The following CYP19A1 variants were observed in gnomAD, a reference collection of about 807,000 sequenced individuals.
CYP19A1 encodes aromatase.
CYP19A1 carries 32 observed loss-of-function variants against 44.4 expected under a neutral mutation model. That is an observed-to-expected ratio of 0.72 (90% CI 0.54 to 0.97). CYP19A1 has a LOEUF of 0.97. Among genes scored for constraint, CYP19A1 ranks in the 50% least tolerant of loss-of-function variants. CYP19A1 has a pLI of 0.00. For synonymous variants in CYP19A1, 212 were observed against 215.6 expected (o/e 0.98, Z 0.14); for missense variants, 598 against 637.8 (o/e 0.94, Z 0.67).
chr15:51,307,787 C>G (rs1005149038), intron 1 of CYP19A1, among the ~76,000 whole-genome samples: 6 of 152,184 alleles, frequency 3.9e-5, no homozygotes, highest in African/African-American at 1.4e-4. Context: ...TTCATTTTCC[C>G]CCACCCAACC....
At chr15:51,244,489 C>T (rs897534418) in intron 1 of CYP19A1, among the ~76,000 whole-genome samples, 1 of 151,598 alleles carries the variant, frequency 6.6e-6, no homozygotes, top group Non-Finnish European at 1.5e-5. Flanking sequence ...ATATATAAGT[C>T]GAAACTAAAA....
rs575949699 is a variant in CYP19A1 at position 51,302,304 on chromosome 15, C to T, written c.-39+36191G>A. ...CATCTGCCATTCTCCTGTGAAGGAGCATTATTCCCCTGAGGGAATTCGCTG... is the reference window on the plus strand; with the variant it reads ...CATCTGCCATTCTCCTGTGAAGGAGTATTATTCCCCTGAGGGAATTCGCTG... On this transcript the variant is annotated intron_variant, in intron 1 of 9. Transcript: ENST00000396402. Among the ~76,000 whole-genome samples, 31 of 152,332 alleles carry T rather than the reference C, an allele frequency of 2.0e-4. 1 individual carries two copies. The highest frequency in any genetic ancestry group is 7.5e-4 in the African/African-American group (31 of 41,574).
At chr15:51,268,523 C>CA (rs1555394974) in intron 1 of CYP19A1, among the ~76,000 whole-genome samples, 2 of 40,492 alleles carry the variant, frequency 4.9e-5, no homozygotes, top group Admixed American at 1.8e-4. Context: ...TTTCCTTCCC[C>CA]CCCCCCCTTT....
At chr15:51,244,655 T>C (rs1265829828) in intron 1 of CYP19A1, among the ~76,000 whole-genome samples, 1 of 152,230 alleles carries the variant, frequency 6.6e-6, no homozygotes, top group Non-Finnish European at 1.5e-5. Context: ...TTTCGATTTA[T>C]ATTGATGAAA....
rs372024146 is a variant in CYP19A1, at chr15:51,236,842, A to G, written c.296+17T>C. The G allele has an allele frequency of 5.6e-6, 9 of 1,613,924 alleles. No individual in the cohort carries two copies. The African/African-American group carries it at 9.3e-5, about 17-fold the overall frequency. On this transcript the variant is annotated intron_variant, in intron 3 of 9. Transcript: ENST00000396402. ...CCTCGATTTAAAAAGTATGTCTTCG[A>G]TTATGAACAGACTCACTTGCTGATA... is the stretch of plus-strand genomic sequence containing the variant.
chr15:51,238,467 T>C (rs1392906927), intron 2 of CYP19A1, among the ~76,000 whole-genome samples: 1 of 152,268 alleles, frequency 6.6e-6, no homozygotes, highest in East Asian at 1.9e-4. Context: ...CATGTGTATC[T>C]AATATAAAGG....
intron 1 of CYP19A1, among the ~76,000 whole-genome samples, chr15:51,275,815 T>C (rs1474911533): frequency 1.3e-5 from 2 of 152,196 alleles, no homozygotes; most frequent in East Asian, 3.9e-4. Context: ...CCTGATTGTT[T>C]CCGTTCAGGT....
intron 1 of CYP19A1, chr15:51,279,841 G>A (rs114957281): frequency 2.6e-5 from 4 of 152,328 alleles, no homozygotes; most frequent in African/African-American, 9.6e-5. Context: ...AGAGAAAGAG[G>A]CTGTGAACTC....
In CYP19A1 at chr15:51,208,959, C is replaced by G. The variant is rs1412715134; in HGVS notation, c.*1849G>C. 1 of 152,146 alleles carries G rather than the reference C, an allele frequency of 6.6e-6. No individual in the cohort carries two copies. Among genetic ancestry groups the G allele is most frequent in the Non-Finnish European group, 1.5e-5 (1 of 68,028 alleles). 9.4% of individuals were successfully genotyped at this position (152,146 alleles called of 1,614,324 possible). ...ACATGGATCCAAAGTTGGGCTTCTTCCACCATGCAGCTCCAGCCAGAGGCA... is the reference window on the plus strand; with the variant it reads ...ACATGGATCCAAAGTTGGGCTTCTTGCACCATGCAGCTCCAGCCAGAGGCA... On this transcript the variant is annotated 3_prime_UTR_variant, in exon 10 of 10. Transcript: ENST00000396402.
intron 1 of CYP19A1, among the ~76,000 whole-genome samples, chr15:51,245,226 TAACA>T (rs2033996100): frequency 6.6e-6 from 1 of 152,358 alleles, no homozygotes; most frequent in Middle Eastern, 3.4e-3. Context: ...CTAAAATGTT[TAACA>T]GAGTTAAGAA....
rs2034256025 is a variant in CYP19A1, at chr15:51,250,289, C to T, written c.-38-7339G>A. Among the ~76,000 whole-genome samples the T allele has an allele frequency of 2.0e-5, 3 of 152,228 alleles. No individual in the cohort carries two copies. In the South Asian group the frequency reaches 6.2e-4, roughly 32 times the overall value. On this transcript the variant is annotated intron_variant, in intron 1 of 9. Coordinates refer to ENST00000396402, the MANE Select transcript of CYP19A1 (RefSeq NM_000103.4). ...AGGACCGTGGCTTTCTCACTCACCT[C>T]TGAGGTTCCGTGACTTCTAGCACAA...
At chr15:51,270,010 A>G (rs2035065979) in intron 1 of CYP19A1, among the ~76,000 whole-genome samples, 1 of 152,112 alleles carries the variant, frequency 6.6e-6, no homozygotes, top group African/African-American at 2.4e-5. Flanking sequence ...AAGTCTGCTG[A>G]AATTTTAAAT....
intron 1 of CYP19A1, among the ~76,000 whole-genome samples, chr15:51,283,359 C>G (rs1023881952): frequency 1.3e-5 from 2 of 152,172 alleles, no homozygotes; most frequent in African/African-American, 4.8e-5. Context: ...ACATTAAAAC[C>G]TGGAGCAATT....
intron 1 of CYP19A1, among the ~76,000 whole-genome samples, chr15:51,294,504 C>T (rs1321573394): frequency 4.7e-5 from 7 of 148,330 alleles, no homozygotes. Flanking sequence ...AAGTGAGGAG[C>T]CCCTCCGCCC....
At position 51,218,644 on chromosome 15, in the gene CYP19A1, C is replaced by T. The variant is rs780332202; in HGVS notation, c.640G>A (p.Val214Met). Reference protein sequence around the residue: ...LRIPLDESAIVVKIQGYFDAW... With the variant: ...LRIPLDESAIMVKIQGYFDAW... ...TCAAAATAACCTTGGATTTTAACCA[C>T]GATAGCACTTTCTGTAGGAAAAAAA... Residue 214 changes from valine (V) to methionine (M), a missense_variant, in exon 6 of 10, where the codon GTG (valine) becomes ATG (methionine). Val to Met is a conservative substitution (Grantham distance 21). Coordinates refer to ENST00000396402, the MANE Select transcript of CYP19A1 (RefSeq NM_000103.4). The T allele has an allele frequency of 1.7e-5, 27 of 1,612,756 alleles. No homozygotes were observed. The highest frequency in any genetic ancestry group is 2.2e-5 in the South Asian group (2 of 90,868).
chr15:51,227,540 C>T (rs2032681189), intron 4 of CYP19A1, among the ~76,000 whole-genome samples: 1 of 151,834 alleles, frequency 6.6e-6, no homozygotes. Context: ...CATGGTGGTG[C>T]ACATCTGTAG....
chr15:51,281,893 A>C (rs555408321), intron 1 of CYP19A1, among the ~76,000 whole-genome samples: 7 of 152,318 alleles, frequency 4.6e-5, no homozygotes, highest in African/African-American at 1.7e-4. Flanking sequence ...TAATTCCCCA[A>C]ATTTCTCTTT....
intron 1 of CYP19A1, among the ~76,000 whole-genome samples, chr15:51,273,615 C>A (rs1014885670): frequency 3.9e-5 from 6 of 152,104 alleles, no homozygotes; most frequent in African/African-American, 1.4e-4. Context: ...AGCTGCACAG[C>A]CCTTGGGAAA....
At position 51,242,798 on chromosome 15, in the gene CYP19A1, A is replaced by G. The variant is rs2236722; in HGVS notation, c.115T>C (p.Trp39Arg). Residue 39 changes from tryptophan (W) to arginine (R), a missense_variant, in exon 2 of 10, where the codon TGG becomes CGG. Physicochemically the swap from Trp to Arg is moderately radical, Grantham distance 101. Coordinates refer to ENST00000396402, the MANE Select transcript of CYP19A1 (RefSeq NM_000103.4). The stretch of plus-strand genomic sequence containing the variant: ...ATTGAGGATGTGCCCTCATAATTCC[A>G]CACCAAGAGAAAAAGGCCAGTGAGG... The part of the protein sequence containing the change: ...LLLTGLFLLV[W>R]NYEGTSSIPG... 1,877 of 1,582,966 alleles carry G rather than the reference A, an allele frequency of 1.2e-3. 39 individuals are homozygous for G. The East Asian group carries it at 0.039, about 33-fold the overall frequency.
Sources: gnomAD v4.1 joint callset for allele counts (sites outside exome capture counted in the v4.1 genomes callset) on GRCh38, gnomAD v4.1.1 for gene constraint, MANE v1.5 for transcripts, NCBI Gene and HGNC (gene_info 2026-07-23, HGNC 2026-07-21) for gene names.